Variants in CD58 observed in about 807,000 individuals in gnomAD.
CD58 encodes lymphocyte function-associated antigen 3.
CD58 carries 14 observed loss-of-function variants against 27.6 expected under a neutral mutation model. The ratio of observed to expected loss-of-function variants is 0.51; its 90% CI spans 0.34 to 0.79. The LOEUF is 0.79. Among genes scored for constraint, CD58 ranks in the 30% least tolerant of loss-of-function variants. CD58 has a pLI of 0.02. For missense variants in CD58, 268 were observed against 301.7 expected (o/e 0.89, Z 0.83); for synonymous variants, 117 against 103.8 (o/e 1.13, Z -0.77).
chr1:116,530,030 A>G (rs1375750208), intron 3 of CD58, among the ~76,000 whole-genome samples: 1 of 152,190 alleles, frequency 6.6e-6, no homozygotes, highest in Non-Finnish European at 1.5e-5. Flanking sequence ...TCTCTAGCTC[A>G]TTCATATGAA....
At chr1:116,518,503 G>T (rs1414904697) in intron 5 of CD58, among the ~76,000 whole-genome samples, 1 of 151,926 alleles carries the variant, frequency 6.6e-6, no homozygotes, top group Admixed American at 6.6e-5. Flanking sequence ...TCTCAGCCTG[G>T]CCCAACCTGC....
chr1:116,533,007 C>A, intron 3 of CD58: 1 of 750,592 alleles, frequency 1.3e-6, no homozygotes, highest in Admixed American at 1.9e-5. Context: ...TCCTCATCTT[C>A]TCCCTCCTCA....
chr1:116,519,004 G>T lies in CD58; in HGVS notation c.743+227C>A. The T allele has an allele frequency of 9.2e-7, 1 of 1,089,464 alleles. No individual in the cohort carries two copies. Among genetic ancestry groups the T allele is most frequent in the Non-Finnish European group, 1.3e-6 (1 of 791,368 alleles). The allele number at this position is 1,089,464 out of a possible 1,614,324, so 67.5% of individuals were successfully genotyped here. A position where few individuals can be genotyped will look rare whatever the true frequency, so the allele number is the denominator to read the frequency against. ...AAGGGGTATGATACTCCTCCTGCAA[G>T]GCTCATTGAGAGGGTTCCAGGAAAC... On this transcript the variant is annotated intron_variant, in intron 5 of 5. Coordinates refer to ENST00000369489, the MANE Select transcript of CD58 (RefSeq NM_001779.3). The surrounding 1 kb of genome is among the most constrained non-coding windows in gnomAD (Gnocchi z 4.7).
At chr1:116,554,702 T>C (rs1261824619) in intron 1 of CD58, among the ~76,000 whole-genome samples, 1 of 152,084 alleles carries the variant, frequency 6.6e-6, no homozygotes, top group Non-Finnish European at 1.5e-5. Flanking sequence ...TTATTACTTA[T>C]TACTTAATAC....
chr1:116,534,339 C>T lies in CD58; in HGVS notation c.628+1626G>A, dbSNP rs1657717182. Among the ~76,000 whole-genome samples, 1 of 152,334 alleles carries T rather than the reference C, an allele frequency of 6.6e-6. No individual in the cohort carries two copies. Among genetic ancestry groups the T allele is most frequent in the African/African-American group, 2.4e-5 (1 of 41,574 alleles). On this transcript the variant is annotated intron_variant, in intron 3 of 5. Transcript: ENST00000369489. The surrounding 1 kb of genome is among the most constrained non-coding windows in gnomAD (Gnocchi z 5.3). ...GATGCTCACGATGACCATCGCCCTACGGAAAAACTCAAATTCCTAAACATC... is the reference window on the plus strand; with the variant it reads ...GATGCTCACGATGACCATCGCCCTATGGAAAAACTCAAATTCCTAAACATC...
In CD58 at chr1:116,514,816, A is replaced by C. The variant is rs759238002; in HGVS notation, c.750T>G (p.Asn250Lys). 1.9e-6 allele frequency: 3 copies of C among 1,553,390 alleles called. No homozygotes were observed. The South Asian group carries it at 3.4e-5, about 18-fold the overall frequency. Reference sequence around the variant, plus strand: ...TGTCTTCATCTTCTGTTACCAATCAATTGGAGCTACAAAAAAAAATCATAT... The same window carrying C: ...TGTCTTCATCTTCTGTTACCAATCACTTGGAGCTACAAAAAAAAATCATAT... ...CDRKPDRTNS[N>K] Residue 250 changes from asparagine to lysine, a missense_variant, in exon 6 of 6, where the codon AAT becomes AAG. Transcript: ENST00000369489.
rs1480445001 is a variant in CD58, at chr1:116,517,505, C to T, written c.743+1726G>A. 1.3e-5 allele frequency among the ~76,000 whole-genome samples: 2 copies of T among 152,164 alleles called. No homozygotes were observed. Among genetic ancestry groups the T allele is most frequent in the Non-Finnish European group, 2.9e-5 (2 of 68,022 alleles). On this transcript the variant is annotated intron_variant, in intron 5 of 5. Coordinates refer to ENST00000369489, the MANE Select transcript of CD58 (RefSeq NM_001779.3). This position sits in a 1 kb window ranked among gnomAD's most constrained non-coding sequence, Gnocchi z 6.5. ...CACCTAGGCCCTTGCTGCTGCTTAGCCACCCTCACTTCATCCCTGCACTGA... is the reference window on the plus strand; with the variant it reads ...CACCTAGGCCCTTGCTGCTGCTTAGTCACCCTCACTTCATCCCTGCACTGA...
rs928934302 is a variant in CD58 at position 116,552,998 on chromosome 1, T to A, written c.71-8394A>T. On this transcript the variant is annotated intron_variant, in intron 1 of 5. Coordinates refer to ENST00000369489, the MANE Select transcript of CD58 (RefSeq NM_001779.3). This position sits in a 1 kb window ranked among gnomAD's most constrained non-coding sequence, Gnocchi z 4.5. ...TTGGACTCCTGACAGCATTAGGTAA[T>A]TTTTTTTTTATGTTTAATTTTTGGG... Among the ~76,000 whole-genome samples, 9 of 150,020 alleles carry A rather than the reference T, an allele frequency of 6.0e-5. No individual in the cohort carries two copies. Among genetic ancestry groups the A allele is most frequent in the Non-Finnish European group, 8.9e-5 (6 of 67,360 alleles).
chr1:116,537,833 A>G (rs1657862552), intron 2 of CD58, among the ~76,000 whole-genome samples: 1 of 152,244 alleles, frequency 6.6e-6, no homozygotes, highest in Non-Finnish European at 1.5e-5. Context: ...AACAATGGTC[A>G]TGGTAGCACT....
rs568502540 is a variant in CD58 at position 116,547,475 on chromosome 1, A to G, written c.71-2871T>C. Among the ~76,000 whole-genome samples the G allele has an allele frequency of 1.7e-4, 25 of 151,376 alleles. 1 individual carries two copies. The South Asian group carries it at 3.1e-3, about 19-fold the overall frequency. On this transcript the variant is annotated intron_variant, in intron 1 of 5. Transcript: ENST00000369489. ...TGAGTAGCTGGGACTACAGGCGCCC[A>G]CCACCATGCCCGGCTAATTTTTTTT...
Position 116,570,082 on chromosome 1 carries a change from A to G in CD58, c.70+821T>C, listed in dbSNP as rs3176855. ...GTGGGGTGCAGGAGCCAGCCATGAG[A>G]ACCCCTCAAGTACAGTTGAACTCGC... On this transcript the variant is annotated intron_variant, in intron 1 of 5. Coordinates refer to ENST00000369489, the MANE Select transcript of CD58 (RefSeq NM_001779.3). The surrounding 1 kb of genome is among the most constrained non-coding windows in gnomAD (Gnocchi z 6.4). Among the ~76,000 whole-genome samples the G allele has an allele frequency of 0.011, 1,605 of 152,254 alleles. 25 individuals carry two copies. Among genetic ancestry groups the G allele is most frequent in the African/African-American group, 0.037 (1,520 of 41,546 alleles).
At chr1:116,542,262 G>A (rs932732431) in intron 2 of CD58, among the ~76,000 whole-genome samples, 2 of 152,162 alleles carry the variant, frequency 1.3e-5, no homozygotes, top group Non-Finnish European at 2.9e-5. Context: ...TGGGCAACAA[G>A]GGCGAAACCC....
At chr1:116,558,757 T>C (rs1173939023) in intron 1 of CD58, among the ~76,000 whole-genome samples, 1 of 152,210 alleles carries the variant, frequency 6.6e-6, no homozygotes, top group African/African-American at 2.4e-5. Flanking sequence ...TCAGCCTCAG[T>C]AATAATATTT....
rs1659089024 is a variant in CD58 at position 116,570,078 on chromosome 1, T to C, written c.70+825A>G. On this transcript the variant is annotated intron_variant, in intron 1 of 5. Coordinates refer to ENST00000369489, the MANE Select transcript of CD58 (RefSeq NM_001779.3). The surrounding 1 kb of genome is among the most constrained non-coding windows in gnomAD (Gnocchi z 6.4). The stretch of plus-strand genomic sequence containing the variant: ...GGCAGTGGGGTGCAGGAGCCAGCCA[T>C]GAGAACCCCTCAAGTACAGTTGAAC... 6.6e-6 allele frequency among the ~76,000 whole-genome samples: 1 copy of C among 152,102 alleles called. No individual in the cohort carries two copies. The highest frequency in any genetic ancestry group is 2.4e-5 in the African/African-American group (1 of 41,420).
chr1:116,558,834 G>A (rs1658663571), intron 1 of CD58, among the ~76,000 whole-genome samples: 1 of 152,190 alleles, frequency 6.6e-6, no homozygotes. Context: ...TCCAAGAGCT[G>A]TTTGTGTATT....
chr1:116,558,334 G>T (rs558336043), intron 1 of CD58, among the ~76,000 whole-genome samples: 208 of 152,224 alleles, frequency 1.4e-3, no homozygotes, highest in African/African-American at 4.8e-3. Context: ...TGAGCAGATG[G>T]ATTTCTCATC....
intron 1 of CD58, among the ~76,000 whole-genome samples, chr1:116,562,690 G>C (rs953834141): frequency 6.6e-6 from 1 of 152,090 alleles, no homozygotes; most frequent in Non-Finnish European, 1.5e-5. Flanking sequence ...CGTGTGCAGG[G>C]GAACTCCCCT....
At chr1:116,545,231 A>G (rs1373409636) in intron 1 of CD58, among the ~76,000 whole-genome samples, 3 of 152,198 alleles carry the variant, frequency 2.0e-5, no homozygotes, top group East Asian at 1.9e-4. Context: ...TATGTGTGCT[A>G]AAGTAAGGAA....
chr1:116,517,884 A>G lies in CD58; in HGVS notation c.743+1347T>C, dbSNP rs1657136768. On this transcript the variant is annotated intron_variant, in intron 5 of 5. Coordinates refer to ENST00000369489, the MANE Select transcript of CD58 (RefSeq NM_001779.3). This position sits in a 1 kb window ranked among gnomAD's most constrained non-coding sequence, Gnocchi z 6.5. Reference sequence around the variant, plus strand: ...AATCAACCTGTCAAAGCAAAAATTCATAATTTTCCTTCCCAACCAAGATTC... The same window carrying G: ...AATCAACCTGTCAAAGCAAAAATTCGTAATTTTCCTTCCCAACCAAGATTC... 6.6e-6 allele frequency among the ~76,000 whole-genome samples: 1 copy of G among 152,190 alleles called. No individual in the cohort carries two copies. Among genetic ancestry groups the G allele is most frequent in the African/African-American group, 2.4e-5 (1 of 41,456 alleles).
Sources: allele counts gnomAD v4.1 joint callset (sites outside exome capture counted in the v4.1 genomes callset), GRCh38; gene constraint gnomAD v4.1.1; non-coding constraint Gnocchi (gnomAD v3.1); transcripts MANE v1.5; gene names NCBI Gene and HGNC (gene_info 2026-07-23, HGNC 2026-07-21).